Variants in NUP93 observed in about 807,000 individuals in gnomAD.
The protein encoded by NUP93 is nucleoporin 93.
In NUP93, 55 loss-of-function variants were observed where a neutral mutation model predicts 107.8. The ratio of observed to expected loss-of-function variants is 0.51; its 90% CI spans 0.41 to 0.64. The LOEUF (loss-of-function observed/expected upper bound fraction) is 0.64, where lower values mean the gene tolerates loss of function less well. NUP93 is among the 30% of genes least tolerant of loss of function. The pLI, the probability that NUP93 is intolerant of heterozygous loss-of-function variation, is 0.00. For synonymous variants in NUP93, 390 were observed against 397.5 expected (o/e 0.98, Z 0.22); for missense variants, 937 against 1,044.7 (o/e 0.90, Z 1.42).
chr16:56,844,576 G>C lies in NUP93; in HGVS notation c.2427G>C (p.Ala809=). 6.3e-7 allele frequency: 1 copy of C among 1,591,502 alleles called. No homozygotes were observed. Among genetic ancestry groups the C allele is most frequent in the South Asian group, 1.1e-5 (1 of 87,806 alleles). Residue 809 remains alanine, a synonymous_variant, in exon 22 of 22, where the codon GCG becomes GCC. Transcript: ENST00000308159. ...ACCGAACGTCTGGGGACACCAATGC[G>C]AGGCTGGTGCAGATGGAGGTCCTCA... ...IPYRTSGDTN[A]RLVQMEVLMN
chr16:56,838,712 T>C (rs1210103469), intron 18 of NUP93, among the ~76,000 whole-genome samples: 1 of 152,156 alleles, frequency 6.6e-6, no homozygotes, highest in African/African-American at 2.4e-5. Context: ...ACTACAGGCA[T>C]GTACCACCAC....
At chr16:56,730,669 C>A (rs1375220135) in intron 1 of NUP93, among the ~76,000 whole-genome samples, 1 of 152,116 alleles carries the variant, frequency 6.6e-6, no homozygotes, top group Non-Finnish European at 1.5e-5. Flanking sequence ...GTCTTTGGGG[C>A]GAGGGGAACT....
At chr16:56,818,773 A>C in intron 6 of NUP93, 35 bp downstream of exon 6, 6 of 1,580,908 alleles carry the variant, frequency 3.8e-6, no homozygotes, top group Non-Finnish European at 5.2e-6. Flanking sequence ...AAGCCAGGAA[A>C]ATCCTTTGTG....
At chr16:56,837,811 C>A (rs1341372841) in intron 18 of NUP93, 85 bp downstream of exon 18, 3 of 946,860 alleles carry the variant, frequency 3.2e-6, no homozygotes, top group Non-Finnish European at 5.0e-6. Flanking sequence ...GCATGTTCAG[C>A]TTTACTAGGT....
intron 3 of NUP93, chr16:56,782,217 A>G (rs1451819007): frequency 1.0e-6 from 1 of 985,222 alleles, no homozygotes; most frequent in African/African-American, 1.7e-5. Context: ...AGCTGCAGGT[A>G]GGATTGGCCG....
In NUP93 at chr16:56,837,781, C is replaced by T. The variant is rs1232117394; in HGVS notation, c.2018+55C>T. The T allele has an allele frequency of 5.7e-6, 7 of 1,234,406 alleles. No individual in the cohort carries two copies. The African/African-American group carries it at 1.0e-4, about 18-fold the overall frequency. 76.5% of individuals were successfully genotyped at this position (1,234,406 alleles called of 1,614,324 possible). On this transcript the variant is annotated intron_variant, in intron 18 of 21. Coordinates refer to ENST00000308159, the MANE Select transcript of NUP93 (RefSeq NM_014669.5). The stretch of plus-strand genomic sequence containing the variant: ...TGAGGGTGCCACTGCCAGTGCCAGG[C>T]CACCTATGCCCACCCAAATGCATGT...
intron 3 of NUP93, among the ~76,000 whole-genome samples, chr16:56,797,016 G>A (rs903590785): frequency 2.7e-5 from 4 of 150,924 alleles, no homozygotes; most frequent in East Asian, 3.9e-4. Context: ...GGCTTACGCC[G>A]GTAATCCCAG....
chr16:56,834,612 T>G, intron 15 of NUP93, 122 bp from the exon 16 acceptor site: 2 of 1,131,216 alleles, frequency 1.8e-6, no homozygotes, highest in Non-Finnish European at 2.5e-6. Flanking sequence ...CACACTGATT[T>G]TTAGTTTGCC....
At chr16:56,751,604 G>A (rs914397749) in intron 2 of NUP93, among the ~76,000 whole-genome samples, 1 of 152,174 alleles carries the variant, frequency 6.6e-6, no homozygotes, top group Non-Finnish European at 1.5e-5. Context: ...GTGCCTGAGA[G>A]GTAGGATAGG....
chr16:56,831,478 A>C (rs1375410720), intron 10 of NUP93: 1 of 175,250 alleles, frequency 5.7e-6, no homozygotes, highest in Non-Finnish European at 1.2e-5. Flanking sequence ...ATCTCACATG[A>C]ATAAGGGAGT....
chr16:56,780,618 G>C (rs1219475960), intron 3 of NUP93, among the ~76,000 whole-genome samples: 2 of 152,090 alleles, frequency 1.3e-5, no homozygotes, highest in East Asian at 3.8e-4. Flanking sequence ...AATGTAAGTT[G>C]GTTTTGCTTC....
chr16:56,831,966 A>G lies in NUP93; in HGVS notation c.1210A>G (p.Ser404Gly), dbSNP rs574840905. 1.9e-6 allele frequency: 3 copies of G among 1,614,088 alleles called. No individual in the cohort carries two copies. The South Asian group carries it at 3.3e-5, about 18-fold the overall frequency. Residue 404 changes from serine (S) to glycine (G), a missense_variant, in exon 11 of 22, where the codon AGT (serine) becomes GGT (glycine). Transcript: ENST00000308159. ...IGRCDVTDNQ[S>G]EVADKTEDYL... Reference sequence around the variant, plus strand: ...CAGATGTGACGTCACCGACAACCAGAGTGAAGTGGCGGACAAAACTGAGGA... The same window carrying G: ...CAGATGTGACGTCACCGACAACCAGGGTGAAGTGGCGGACAAAACTGAGGA...
At chr16:56,766,364 C>T (rs1233128706) in intron 3 of NUP93, among the ~76,000 whole-genome samples, 5 of 152,174 alleles carry the variant, frequency 3.3e-5, no homozygotes, top group African/African-American at 9.6e-5. Flanking sequence ...TCGTCCCCTC[C>T]CTCCTTCACC....
At chr16:56,832,448 G>A (rs1963815422) in intron 12 of NUP93, 60 bp downstream of exon 12, 23 of 1,365,158 alleles carry the variant, frequency 1.7e-5, no homozygotes, top group Non-Finnish European at 2.3e-5. Flanking sequence ...GACTACTTCA[G>A]TTTTCCTCTG....
intron 8 of NUP93, among the ~76,000 whole-genome samples, chr16:56,828,529 T>C (rs1455636601): frequency 6.6e-6 from 1 of 152,206 alleles, no homozygotes; most frequent in African/African-American, 2.4e-5. Context: ...GTTATGTGTA[T>C]GTGTAGAGAG....
chr16:56,754,615 C>T (rs1327323189), intron 2 of NUP93, among the ~76,000 whole-genome samples: 1 of 152,248 alleles, frequency 6.6e-6, no homozygotes, highest in Non-Finnish European at 1.5e-5. Flanking sequence ...CAGGGTACAG[C>T]CCTCTTGGCT....
At chr16:56,836,096 T>A (rs893072620) in intron 16 of NUP93, among the ~76,000 whole-genome samples, 26 of 147,006 alleles carry the variant, frequency 1.8e-4, no homozygotes, top group African/African-American at 6.3e-4. Flanking sequence ...GCCACTGCAC[T>A]CCAGCCTGGG....
intron 8 of NUP93, among the ~76,000 whole-genome samples, chr16:56,827,658 A>G (rs1172768213): frequency 1.3e-5 from 2 of 152,226 alleles, no homozygotes; most frequent in East Asian, 3.8e-4. Flanking sequence ...TGAATCAAAT[A>G]ATGATCCAGC....
At chr16:56,837,860 C>T (rs1404829760) in intron 18 of NUP93, 134 bp downstream of exon 18, 8 of 636,742 alleles carry the variant, frequency 1.3e-5, no homozygotes, top group Non-Finnish European at 2.2e-5. Flanking sequence ...TACTAACTCA[C>T]CATGCCACCA....
Sources: allele counts gnomAD v4.1 joint callset (sites outside exome capture counted in the v4.1 genomes callset), GRCh38; gene constraint gnomAD v4.1.1; transcripts MANE v1.5; gene names NCBI Gene and HGNC (gene_info 2026-07-23, HGNC 2026-07-21).